PUDP: variants seen among roughly 807,000 people sequenced by gnomAD.
The protein encoded by PUDP is pseudouridine 5'-phosphatase.
Under a neutral mutation model 9.4 loss-of-function variants are expected in PUDP, and 8 were observed. The ratio of observed to expected loss-of-function variants is 0.85; its 90% CI spans 0.50 to 1.53. PUDP has a LOEUF of 1.53. Ranked by LOEUF, PUDP falls within the 40% of genes most tolerant of loss-of-function variation. The pLI, the probability that PUDP is intolerant of heterozygous loss-of-function variation, is 0.00. For missense variants in PUDP, 188 were observed against 189.7 expected (o/e 0.99, Z 0.05); for synonymous variants, 99 against 80.7 (o/e 1.23, Z -1.22).
chrX:7,090,647 G>A (rs1477488470), intron 2 of PUDP, among the ~76,000 whole-genome samples: 1 of 111,611 alleles, frequency 9.0e-6, no homozygotes, highest in African/African-American at 3.3e-5. Context: ...CTAAAATGTG[G>A]GACATTCAGG....
intron 3 of PUDP, among the ~76,000 whole-genome samples, chrX:6,896,044 T>C (rs768574290): frequency 2.7e-5 from 3 of 111,812 alleles, no homozygotes; most frequent in East Asian, 2.8e-4. Flanking sequence ...GATTTCAATA[T>C]AGGAACTTGG....
intron 1 of PUDP, among the ~76,000 whole-genome samples, chrX:6,990,037 G>A (rs949345073): frequency 9.1e-6 from 1 of 109,556 alleles, no homozygotes; most frequent in South Asian, 4.1e-4. Flanking sequence ...TCCCAACGTC[G>A]CACCTTATAA....
chrX:6,789,064 C>A (rs1602619652), intron 3 of PUDP, among the ~76,000 whole-genome samples: 1 of 111,190 alleles, frequency 9.0e-6, no homozygotes. Context: ...CTGAGGCAGG[C>A]GGATCACTTG....
At chrX:7,127,226 T>C (rs1932508204) in intron 1 of PUDP, among the ~76,000 whole-genome samples, 1 of 112,094 alleles carries the variant, frequency 8.9e-6, no homozygotes, top group Admixed American at 9.5e-5. Context: ...CAACTGACCT[T>C]TATTCCACAG....
At chrX:7,138,375 A>ATT (rs60028627) in intron 1 of PUDP, among the ~76,000 whole-genome samples, 3 of 100,611 alleles carry the variant, frequency 3.0e-5, no homozygotes, top group Admixed American at 1.1e-4. Flanking sequence ...TTAATCTAGT[A>ATT]TTTTTTTTTT....
intron 2 of PUDP, among the ~76,000 whole-genome samples, chrX:7,090,000 T>C (rs186915570): frequency 5.4e-5 from 6 of 111,863 alleles, no homozygotes; most frequent in Admixed American, 2.8e-4. Flanking sequence ...GGAAGAATTA[T>C]TGTCAGTTCT....
chrX:6,744,937 T>C, intron 3 of PUDP, among the ~76,000 whole-genome samples: 1 of 111,770 alleles, frequency 8.9e-6, no homozygotes, highest in Non-Finnish European at 1.9e-5. Context: ...AAAAAGACAA[T>C]ATCATCAACG....
chrX:6,762,056 G>A (rs959854300), intron 3 of PUDP, among the ~76,000 whole-genome samples: 6 of 111,385 alleles, frequency 5.4e-5, no homozygotes, highest in African/African-American at 9.8e-5. Flanking sequence ...GCTGGGTGAC[G>A]TGGCATACGC....
intron 3 of PUDP, among the ~76,000 whole-genome samples, chrX:6,913,626 T>C (rs1181600705): frequency 8.9e-6 from 1 of 112,085 alleles, no homozygotes; most frequent in Non-Finnish European, 1.9e-5. Context: ...AAAACTTTTT[T>C]GGAAATATTT....
chrX:6,990,547 T>C (rs1212721409), intron 1 of PUDP, among the ~76,000 whole-genome samples: 1 of 112,261 alleles, frequency 8.9e-6, no homozygotes, highest in Non-Finnish European at 1.9e-5. Context: ...CCAAAAGTAC[T>C]CTTTTTGGCT....
intron 3 of PUDP, among the ~76,000 whole-genome samples, chrX:6,733,195 A>AT (rs1307974089): frequency 8.9e-6 from 1 of 111,740 alleles, no homozygotes; most frequent in Non-Finnish European, 1.9e-5. Flanking sequence ...AGGTGACGGG[A>AT]TTAAGTAAGG....
chrX:6,852,251 G>A (rs188480655), intron 3 of PUDP, among the ~76,000 whole-genome samples: 162 of 112,375 alleles, frequency 1.4e-3, no homozygotes, highest in Non-Finnish European at 2.5e-3. Flanking sequence ...CTGGTGTCAG[G>A]CAGAATTCAC....
At chrX:6,841,606 C>CA (rs937856050) in intron 3 of PUDP, among the ~76,000 whole-genome samples, 7 of 109,415 alleles carry the variant, frequency 6.4e-5, no homozygotes, top group African/African-American at 2.0e-4. Flanking sequence ...CCCTCTCTCT[C>CA]AAAAAAAATG....
intron 3 of PUDP, among the ~76,000 whole-genome samples, chrX:6,951,216 TCATC>T (rs201811790): frequency 2.9e-4 from 30 of 102,840 alleles, no homozygotes; most frequent in South Asian, 8.9e-4. Flanking sequence ...TATCTACCCA[TCATC>T]CATCCATCCA....
At chrX:6,936,847 A>T (rs1415659500) in intron 3 of PUDP, among the ~76,000 whole-genome samples, 1 of 99,736 alleles carries the variant, frequency 1.0e-5, no homozygotes, top group African/African-American at 3.7e-5. Flanking sequence ...AACAACAGAC[A>T]GAGAGCCAAA....
chrX:6,918,986 G>A (rs915589172), intron 3 of PUDP, among the ~76,000 whole-genome samples: 4 of 111,946 alleles, frequency 3.6e-5, no homozygotes, highest in Admixed American at 9.5e-5. Flanking sequence ...TTTGATCTAC[G>A]TTCATGTCTC....
chrX:6,964,303 G>A (rs1384950956), intron 3 of PUDP, among the ~76,000 whole-genome samples: 1 of 112,247 alleles, frequency 8.9e-6, no homozygotes, highest in East Asian at 2.8e-4. Context: ...CTAAGCCATT[G>A]AAGCAAAAGG....
intron 3 of PUDP, among the ~76,000 whole-genome samples, chrX:6,763,246 G>A (rs184210677): frequency 5.4e-5 from 6 of 111,270 alleles, no homozygotes; most frequent in Admixed American, 9.5e-5. Context: ...AAAATTAGCC[G>A]GGTGTGGTGA....
intron 1 of PUDP, among the ~76,000 whole-genome samples, chrX:7,137,953 C>T (rs966717526): frequency 1.8e-5 from 2 of 111,912 alleles, no homozygotes; most frequent in African/African-American, 6.5e-5. Context: ...GTCAGTTCAC[C>T]AGCTTTCCTG....
Sources: allele counts gnomAD v4.1 joint callset (sites outside exome capture counted in the v4.1 genomes callset), GRCh38; gene constraint gnomAD v4.1.1; transcripts MANE v1.5; gene names NCBI Gene and HGNC (gene_info 2026-07-23, HGNC 2026-07-21).